JRK: variants seen among roughly 807,000 people sequenced by gnomAD.
JRK encodes the protein jerky protein homolog.
For missense variants in JRK, 720 were observed against 509.2 expected (o/e 1.41, Z -3.98); for synonymous variants, 303 against 218.1 (o/e 1.39, Z -3.43).
rs1475428638 is a variant in JRK, at chr8:142,659,061, A to AT, written c.*5290dup. On this transcript the variant is annotated 3_prime_UTR_variant, in exon 2 of 2. Coordinates refer to ENST00000612905, the MANE Select transcript of JRK (RefSeq NM_003724.4). ...TGGAGGAAGAATGGATTCCTAGTGT[A>AT]TTTTTTCTCTTCAGAACTGACAGCC... is the stretch of plus-strand genomic sequence containing the variant. 3.1e-5 allele frequency: 45 copies of AT among 1,437,610 alleles called. No individual in the cohort carries two copies. The East Asian group carries it at 1.1e-3, about 34-fold the overall frequency. 89.1% of individuals were successfully genotyped at this position (1,437,610 alleles called of 1,614,324 possible).
chr8:142,664,324 C>T lies in JRK; in HGVS notation c.*28G>A. ...TCCAGGGTGTGGGGAGAAACAGGGCCAGTGGCCAGGGCAGGGCAGAGAAGC... is the reference window on the plus strand; with the variant it reads ...TCCAGGGTGTGGGGAGAAACAGGGCTAGTGGCCAGGGCAGGGCAGAGAAGC... On this transcript the variant is annotated 3_prime_UTR_variant, in exon 2 of 2. Transcript: ENST00000612905. 6.6e-7 allele frequency: 1 copy of T among 1,525,250 alleles called. No homozygotes were observed. The highest frequency in any genetic ancestry group is 8.8e-7 in the Non-Finnish European group (1 of 1,134,930). 94.5% of individuals were successfully genotyped at this position (1,525,250 alleles called of 1,614,324 possible).
At position 142,659,878 on chromosome 8, in the gene JRK, C is replaced by T; in HGVS notation, c.*4474G>A. ...CCTGGGCCCCAGTCTCATCCCTAAACAGGAGTGACCCCACCTCATTTCATG... is the reference window on the plus strand; with the variant it reads ...CCTGGGCCCCAGTCTCATCCCTAAATAGGAGTGACCCCACCTCATTTCATG... On this transcript the variant is annotated 3_prime_UTR_variant, in exon 2 of 2. Transcript: ENST00000612905. 1.0e-6 allele frequency: 1 copy of T among 985,598 alleles called. No individual in the cohort carries two copies. The allele number at this position is 985,598 out of a possible 1,614,324, so 61.1% of individuals were successfully genotyped here.
rs931351840 is a variant in JRK at position 142,664,212 on chromosome 8, C to T, written c.*140G>A. 7.1e-6 allele frequency: 10 copies of T among 1,411,312 alleles called. No homozygotes were observed. Among genetic ancestry groups the T allele is most frequent in the South Asian group, 1.8e-5 (1 of 56,906 alleles). The allele number at this position is 1,411,312 out of a possible 1,614,324, so 87.4% of individuals were successfully genotyped here. ...CCGTCCTGGGCACCCGAGCCACACC[C>T]GTGGGCGACCCACTCCTGGAAGGGC... On this transcript the variant is annotated 3_prime_UTR_variant, in exon 2 of 2. Coordinates refer to ENST00000612905, the MANE Select transcript of JRK (RefSeq NM_003724.4).
rs1010967154 is a variant in JRK, at chr8:142,663,225, G to A, written c.*1127C>T. Reference sequence around the variant, plus strand: ...AGGCTAATCACTGTGGACACAGGGCGTTCTGGAATCTCAGCTGCAGGCAGT... The same window carrying A: ...AGGCTAATCACTGTGGACACAGGGCATTCTGGAATCTCAGCTGCAGGCAGT... On this transcript the variant is annotated 3_prime_UTR_variant, in exon 2 of 2. Coordinates refer to ENST00000612905, the MANE Select transcript of JRK (RefSeq NM_003724.4). 22 of 985,334 alleles carry A rather than the reference G, an allele frequency of 2.2e-5. No individual in the cohort carries two copies. Among genetic ancestry groups the A allele is most frequent in the Middle Eastern group, 1.0e-3 (2 of 1,936 alleles). 61.0% of individuals were successfully genotyped at this position (985,334 alleles called of 1,614,324 possible).
chr8:142,659,162 T>C lies in JRK; in HGVS notation c.*5190A>G. On this transcript the variant is annotated 3_prime_UTR_variant, in exon 2 of 2. Transcript: ENST00000612905. The stretch of plus-strand genomic sequence containing the variant: ...GCTCAAGCCTGGCAGCTCCTCCCAC[T>C]GAGCCTCATGGTCACCCCAGAGGAC... 7.5e-7 allele frequency: 1 copy of C among 1,328,904 alleles called. No individual in the cohort carries two copies. 82.3% of individuals were successfully genotyped at this position (1,328,904 alleles called of 1,614,324 possible). A position where few individuals can be genotyped will look rare whatever the true frequency, so the allele number is the denominator to read the frequency against.
In JRK at chr8:142,662,022, A is replaced by C; in HGVS notation, c.*2330T>G. On this transcript the variant is annotated 3_prime_UTR_variant, in exon 2 of 2. Transcript: ENST00000612905. Reference sequence around the variant, plus strand: ...AGCCCAGGTGAGGAGGGGCTGCAGGAGGAGCAGGGCCCGAGTCCCCTGGGT... The same window carrying C: ...AGCCCAGGTGAGGAGGGGCTGCAGGCGGAGCAGGGCCCGAGTCCCCTGGGT... 1.0e-6 allele frequency: 1 copy of C among 985,454 alleles called. No homozygotes were observed. Among genetic ancestry groups the C allele is most frequent in the Non-Finnish European group, 1.2e-6 (1 of 829,988 alleles). 61.0% of individuals were successfully genotyped at this position (985,454 alleles called of 1,614,324 possible).
In JRK at chr8:142,662,140, A is replaced by AG; in HGVS notation, c.*2211dup. On this transcript the variant is annotated 3_prime_UTR_variant, in exon 2 of 2. Transcript: ENST00000612905. ...TGGAAGAGGGGCACCCTGAGGACAC[A>AG]GCCACTCACTGGGGACAAGCGCCTA... The AG allele has an allele frequency of 2.0e-6, 2 of 985,956 alleles. No individual in the cohort carries two copies. Among genetic ancestry groups the AG allele is most frequent in the Non-Finnish European group, 2.4e-6 (2 of 830,362 alleles). The allele number at this position is 985,956 out of a possible 1,614,324, so 61.1% of individuals were successfully genotyped here.
intron 1 of JRK, 55 bp downstream of exon 1, chr8:142,669,877 G>C (rs1847272893): frequency 6.5e-6 from 1 of 152,762 alleles, no homozygotes; most frequent in Non-Finnish European, 1.5e-5. Flanking sequence ...GAGAGCGCCC[G>C]CACCCATCCG....
Position 142,664,588 on chromosome 8 carries a change from C to T in JRK, c.1471G>A (p.Ala491Thr), listed in dbSNP as rs1554635194. 5 of 1,608,752 alleles carry T rather than the reference C, an allele frequency of 3.1e-6. No homozygotes were observed. Among genetic ancestry groups the T allele is most frequent in the Non-Finnish European group, 4.2e-6 (5 of 1,178,664 alleles). ...CGCAGGACTGCGTCAAAGGCCACGG[C>T]CGCCTGCTCCCAGGCCACCTCCTCG... ...EGEEVAWEQA[A>T]VAFDAVLRFA... The change falls in exon 2 of 2, where the codon GCC (alanine) becomes ACC (threonine). Residue 491 changes from alanine (A) to threonine (T), a missense_variant. Ala to Thr is a moderately conservative substitution (Grantham distance 58, BLOSUM62 0). Transcript: ENST00000612905.
At chr8:142,645,691 ATAT>A in the JRK span, among the ~76,000 whole-genome samples, 1 of 147,698 alleles carries the variant, frequency 6.8e-6, no homozygotes, top group Non-Finnish European at 1.5e-5. Context: ...GAAAAAAAAA[ATAT>A]ATATATACAT....
chr8:142,649,516 T>G, the JRK span, among the ~76,000 whole-genome samples: 16 of 152,216 alleles, frequency 1.1e-4, no homozygotes, highest in Non-Finnish European at 1.9e-4. Context: ...CGTGACTTGC[T>G]CCTCGTTCCA....
At chr8:142,657,053 G>A (rs778716966), downstream of JRK, among the ~76,000 whole-genome samples, 4 of 152,152 alleles carry the variant, frequency 2.6e-5, no homozygotes, top group Admixed American at 6.5e-5. Context: ...TGCCACATCC[G>A]CGCAGCACAC....
Position 142,660,709 on chromosome 8 carries a change from A to G in JRK, c.*3643T>C. 1.0e-6 allele frequency: 1 copy of G among 985,422 alleles called. No homozygotes were observed. 61.0% of individuals were successfully genotyped at this position (985,422 alleles called of 1,614,324 possible). A position where few individuals can be genotyped will look rare whatever the true frequency, so the allele number is the denominator to read the frequency against. The stretch of plus-strand genomic sequence containing the variant: ...AAGCCACCACACCCGGATCCCCAAT[A>G]AGCACATTTATGTGGGGCGTGAGGT... On this transcript the variant is annotated 3_prime_UTR_variant, in exon 2 of 2. Coordinates refer to ENST00000612905, the MANE Select transcript of JRK (RefSeq NM_003724.4).
At chr8:142,654,087 G>A (rs369632785), downstream of JRK, among the ~76,000 whole-genome samples, 18 of 152,318 alleles carry the variant, frequency 1.2e-4, no homozygotes, top group African/African-American at 4.3e-4. Context: ...CCTCCACCCT[G>A]CAGGGTCTGC....
Position 142,658,931 on chromosome 8 carries a change from A to G in JRK, c.*5421T>C. ...TGGTGAGGTCACTACCACATCCTCA[A>G]GGCCCACAGTCTCCTGAAACAACAG... On this transcript the variant is annotated 3_prime_UTR_variant, in exon 2 of 2. Coordinates refer to ENST00000612905, the MANE Select transcript of JRK (RefSeq NM_003724.4). 6.2e-7 allele frequency: 1 copy of G among 1,613,338 alleles called. No homozygotes were observed. Among genetic ancestry groups the G allele is most frequent in the Non-Finnish European group, 8.5e-7 (1 of 1,179,656 alleles).
rs587771614 is a variant in JRK, at chr8:142,660,184, T to C, written c.*4168A>G. 2.0e-6 allele frequency: 2 copies of C among 985,518 alleles called. No individual in the cohort carries two copies. The highest frequency in any genetic ancestry group is 9.4e-5 in the South Asian group (2 of 21,290). The allele number at this position is 985,518 out of a possible 1,614,324, so 61.0% of individuals were successfully genotyped here. ...CAGTAGGCAGCTGAGTCCAACGCAG[T>C]GCCCGAGAGCTCAGCCCTTGTCAAG... On this transcript the variant is annotated 3_prime_UTR_variant, in exon 2 of 2. Coordinates refer to ENST00000612905, the MANE Select transcript of JRK (RefSeq NM_003724.4).
chr8:142,667,919 C>T (rs190906829), intron 1 of JRK, among the ~76,000 whole-genome samples: 5 of 152,364 alleles, frequency 3.3e-5, no homozygotes, highest in African/African-American at 9.6e-5. Flanking sequence ...GCACAGAGGG[C>T]GCACCCCTGT....
Position 142,661,072 on chromosome 8 carries a change from G to C in JRK, c.*3280C>G, listed in dbSNP as rs1277079158. ...GCCTGCGACGTCAGGGGCAGTCCAG[G>C]TGCTCTCCATCGCATGCTCAGCCAT... On this transcript the variant is annotated 3_prime_UTR_variant, in exon 2 of 2. Coordinates refer to ENST00000612905, the MANE Select transcript of JRK (RefSeq NM_003724.4). 1.0e-6 allele frequency: 1 copy of C among 985,332 alleles called. No homozygotes were observed. The highest frequency in any genetic ancestry group is 6.1e-5 in the Admixed American group (1 of 16,274). 61.0% of individuals were successfully genotyped at this position (985,332 alleles called of 1,614,324 possible).
chr8:142,647,271 TTCTTAATGAAAAAAAATTTCC>T, the JRK span, among the ~76,000 whole-genome samples: 1 of 152,160 alleles, frequency 6.6e-6, no homozygotes, highest in African/African-American at 2.4e-5. Flanking sequence ...AAAATTTTTT[TTCTTAATGAAAAAAAATTTCC>T]TCATTAAGAA....
Sources: gnomAD v4.1 joint callset for allele counts (sites outside exome capture counted in the v4.1 genomes callset) on GRCh38, gnomAD v4.1.1 for gene constraint, MANE v1.5 for transcripts, NCBI Gene and HGNC (gene_info 2026-07-23, HGNC 2026-07-21) for gene names.